Variants in KCND2 observed in about 807,000 individuals in gnomAD.
The protein encoded by KCND2 is A-type voltage-gated potassium channel KCND2.
In KCND2, 16 loss-of-function variants were observed where a neutral mutation model predicts 54.4. That is an observed-to-expected ratio of 0.29 (90% confidence interval 0.20 to 0.45). The LOEUF is 0.45. KCND2 is among the 20% of genes least tolerant of loss of function. The pLI is 1.00. For synonymous variants in KCND2, 317 were observed against 310.7 expected, an observed-to-expected ratio of 1.02 and a Z score of -0.21; for missense variants, 486 against 824.2, an observed-to-expected ratio of 0.59 and a Z score of 5.02.
chr7:120,296,695 C>T (rs1799518016), intron 1 of KCND2, among the ~76,000 whole-genome samples: 1 of 151,912 alleles, frequency 6.6e-6, no homozygotes, highest in African/African-American at 2.4e-5. Context: ...TACATAGTTG[C>T]TAAGAGAACC....
chr7:120,501,870 A>C (rs117576145), intron 1 of KCND2, among the ~76,000 whole-genome samples: 37 of 152,188 alleles, frequency 2.4e-4, no homozygotes, highest in Non-Finnish European at 3.8e-4. Flanking sequence ...CATTTGGGTG[A>C]CTAGAAGAAA....
intron 1 of KCND2, among the ~76,000 whole-genome samples, chr7:120,610,904 T>C (rs1396288514): frequency 4.6e-5 from 7 of 152,198 alleles, no homozygotes; most frequent in Non-Finnish European, 8.8e-5. Flanking sequence ...CCTGTCCTTT[T>C]GTTCTCTTCA....
intron 1 of KCND2, among the ~76,000 whole-genome samples, chr7:120,581,955 C>G (rs936655167): frequency 6.6e-6 from 1 of 152,080 alleles, no homozygotes; most frequent in Non-Finnish European, 1.5e-5. Context: ...CTCAAGTCAT[C>G]CACCCGCCTC....
intron 1 of KCND2, among the ~76,000 whole-genome samples, chr7:120,473,683 G>GA (rs752225703): frequency 5.9e-5 from 9 of 151,806 alleles, no homozygotes; most frequent in East Asian, 1.9e-4. Context: ...TGGATAATGA[G>GA]AAAAAAACAA....
chr7:120,472,874 A>C (rs1400595622), intron 1 of KCND2, among the ~76,000 whole-genome samples: 1 of 152,234 alleles, frequency 6.6e-6, no homozygotes, highest in East Asian at 1.9e-4. Context: ...ATGGGGCTGA[A>C]ATCCACAGCA....
At chr7:120,539,017 A>T (rs1309859816) in intron 1 of KCND2, among the ~76,000 whole-genome samples, 1 of 152,212 alleles carries the variant, frequency 6.6e-6, no homozygotes, top group Non-Finnish European at 1.5e-5. Flanking sequence ...TTGTAAAGTA[A>T]ATCACAAGAA....
chr7:120,414,488 A>G (rs934128903), intron 1 of KCND2, among the ~76,000 whole-genome samples: 1 of 152,124 alleles, frequency 6.6e-6, no homozygotes, highest in African/African-American at 2.4e-5. Context: ...TTATTGGTGC[A>G]TGTTTAACTG....
chr7:120,397,985 G>GTATATA (rs1187607878), intron 1 of KCND2, among the ~76,000 whole-genome samples: 2 of 36,910 alleles, frequency 5.4e-5, no homozygotes, highest in African/African-American at 1.3e-4. Context: ...GTGTGTGTGT[G>GTATATA]TGTGTGTGTG....
At chr7:120,665,039 A>C (rs1256659878) in intron 1 of KCND2, among the ~76,000 whole-genome samples, 1 of 152,074 alleles carries the variant, frequency 6.6e-6, no homozygotes, top group African/African-American at 2.4e-5. Flanking sequence ...GATGTGGTTT[A>C]CTTAACCAGA....
intron 1 of KCND2, among the ~76,000 whole-genome samples, chr7:120,410,437 T>G (rs7794826): frequency 0.1 from 15,745 of 152,044 alleles, 857 homozygotes; most frequent in Admixed American, 0.13. Context: ...TGTTGAAATT[T>G]TAATTGAGAT....
rs79484484 is a variant in KCND2 at position 120,467,905 on chromosome 7, A to G, written c.1115+192158A>G. On this transcript the variant is annotated intron_variant, in intron 1 of 5. Coordinates refer to ENST00000331113, the MANE Select transcript of KCND2 (RefSeq NM_012281.3). The stretch of plus-strand genomic sequence containing the variant: ...GTGGTACCATCTGGAACATAAATCC[A>G]TAAAGGTACTTCTGTAGTATTTTTG... Among the ~76,000 whole-genome samples the G allele has an allele frequency of 8.4e-3, 1,279 of 152,234 alleles. 8 individuals are homozygous for G. The highest frequency in any genetic ancestry group is 0.031 in the Middle Eastern group (9 of 294).
chr7:120,507,674 G>A (rs924546409), intron 1 of KCND2, among the ~76,000 whole-genome samples: 2 of 151,854 alleles, frequency 1.3e-5, no homozygotes, highest in Non-Finnish European at 2.9e-5. Context: ...GATAGAATAT[G>A]TCTGGATTTC....
intron 1 of KCND2, among the ~76,000 whole-genome samples, chr7:120,712,384 T>C (rs1584893110): frequency 2.7e-5 from 4 of 148,976 alleles, no homozygotes. Context: ...CTGCCTCAGC[T>C]TCCCAAGTAG....
At chr7:120,706,339 A>G (rs979482768) in intron 1 of KCND2, among the ~76,000 whole-genome samples, 2 of 152,166 alleles carry the variant, frequency 1.3e-5, no homozygotes, top group Non-Finnish European at 1.5e-5. Flanking sequence ...AGACTGGGTA[A>G]TGAGTAAAGA....
At position 120,274,573 on chromosome 7, in the gene KCND2, C is replaced by A; in HGVS notation, c.-60C>A. On this transcript the variant is annotated 5_prime_UTR_variant, in exon 1 of 6. The change creates a new upstream start codon in the 5' untranslated region. Transcript: ENST00000331113. ...ACTGGAGGAAGTGGGTGACTTTTGG[C>A]TGCTTCGGTGACCCATTGTAGACGC... 6.2e-7 allele frequency: 1 copy of A among 1,605,590 alleles called. No homozygotes were observed. Among genetic ancestry groups the A allele is most frequent in the Non-Finnish European group, 8.5e-7 (1 of 1,172,656 alleles).
intron 1 of KCND2, among the ~76,000 whole-genome samples, chr7:120,404,427 C>A (rs1801318909): frequency 6.6e-6 from 1 of 152,048 alleles, no homozygotes; most frequent in South Asian, 2.1e-4. Context: ...TTTATTTTTA[C>A]AAAAGCTGTT....
intron 1 of KCND2, among the ~76,000 whole-genome samples, chr7:120,601,469 G>GTTT (rs11431300): frequency 6.6e-6 from 1 of 151,642 alleles, no homozygotes; most frequent in African/African-American, 2.4e-5. Context: ...TAAGTAAGGC[G>GTTT]TTTTTTTTGT....
intron 1 of KCND2, among the ~76,000 whole-genome samples, chr7:120,292,767 C>T (rs538269643): frequency 6.6e-6 from 1 of 152,022 alleles, no homozygotes; most frequent in South Asian, 2.1e-4. Flanking sequence ...TTCATTTTCA[C>T]ATCCTTTCCA....
intron 1 of KCND2, among the ~76,000 whole-genome samples, chr7:120,512,700 G>A (rs1409462374): frequency 1.3e-5 from 2 of 151,990 alleles, no homozygotes; most frequent in Non-Finnish European, 2.9e-5. Context: ...TAACAAATTA[G>A]TGAGGGATTT....
Sources: gnomAD v4.1 joint callset for allele counts (sites outside exome capture counted in the v4.1 genomes callset) on GRCh38, gnomAD v4.1.1 for gene constraint, MANE v1.5 for transcripts, NCBI Gene and HGNC (gene_info 2026-07-23, HGNC 2026-07-21) for gene names.